Variants in SUGCT observed in about 807,000 individuals in gnomAD.
The protein encoded by SUGCT is succinyl-CoA:glutarate-CoA transferase, also known as succinyl-CoA:glutarate CoA-transferase.
Under a neutral mutation model 55.0 loss-of-function variants are expected in SUGCT, and 41 were observed. The ratio of observed to expected loss-of-function variants is 0.74; its 90% confidence interval spans 0.58 to 0.97. The LOEUF (loss-of-function observed/expected upper bound fraction) is 0.97. Ranked by LOEUF, SUGCT falls within the 50% of genes least tolerant of loss-of-function variation. The pLI, the probability that SUGCT is intolerant of heterozygous loss-of-function variation, is 0.00. For missense variants in SUGCT, 568 were observed against 547.8 expected, an observed-to-expected ratio of 1.04 and a Z score of -0.37; for synonymous variants, 187 against 200.4, an observed-to-expected ratio of 0.93 and a Z score of 0.56.
intron 12 of SUGCT, among the ~76,000 whole-genome samples, chr7:40,599,438 T>C (rs377697355): frequency 6.6e-6 from 1 of 152,178 alleles, no homozygotes; most frequent in Non-Finnish European, 1.5e-5. Context: ...CATATTAACT[T>C]CAGCACCAAA....
intron 12 of SUGCT, among the ~76,000 whole-genome samples, chr7:40,601,126 TATGTGCAGGACCCTTTGAATGGCCAG>T (rs1048084102): frequency 3.9e-5 from 6 of 152,230 alleles, no homozygotes; most frequent in African/African-American, 1.4e-4. Context: ...TTAGTTTATC[TATGTGCAGGACCCTTTGAATGGCCAG>T]ATGTATTAGT....
chr7:41,016,102 G>T, the SUGCT span, among the ~76,000 whole-genome samples: 2 of 152,192 alleles, frequency 1.3e-5, no homozygotes, highest in East Asian at 1.9e-4. Flanking sequence ...CCATCAGAAA[G>T]GTGTACCTTG....
chr7:40,876,336 C>A, the SUGCT span, among the ~76,000 whole-genome samples: 814 of 152,190 alleles, frequency 5.3e-3, 6 homozygotes, highest in African/African-American at 0.019. Context: ...CCATGCATGC[C>A]AGAGCTTTCA....
chr7:40,484,471 T>C lies in SUGCT; in HGVS notation c.987-11813T>C, dbSNP rs144676616. 6.6e-4 allele frequency among the ~76,000 whole-genome samples: 100 copies of C among 152,300 alleles called. 2 individuals carry two copies. In the East Asian group the frequency reaches 0.017, roughly 27 times the overall value. ...GCCTTGGGGGCGGACAGTAGCTCAA[T>C]TGCCAGTGGCCTAAGGGTGGTCCTA... On this transcript the variant is annotated intron_variant, in intron 11 of 13. Coordinates refer to ENST00000335693, the MANE Select transcript of SUGCT (RefSeq NM_001193313.2).
chr7:40,385,864 A>T (rs1342050056), intron 9 of SUGCT, among the ~76,000 whole-genome samples: 1 of 152,238 alleles, frequency 6.6e-6, no homozygotes, highest in African/African-American at 2.4e-5. Context: ...GTGTCACTTT[A>T]TATAGCATTG....
intron 8 of SUGCT, among the ~76,000 whole-genome samples, chr7:40,292,054 G>C (rs1379892803): frequency 6.6e-6 from 1 of 152,152 alleles, no homozygotes; most frequent in Non-Finnish European, 1.5e-5. Flanking sequence ...AAGTTTAGGG[G>C]CAATTTGTTA....
chr7:40,891,559 C>T, the SUGCT span, among the ~76,000 whole-genome samples: 2 of 152,092 alleles, frequency 1.3e-5, no homozygotes, highest in Admixed American at 6.5e-5. Flanking sequence ...GAATATTATA[C>T]CCAGCAAAGC....
rs566338661 is a variant in SUGCT at position 40,218,264 on chromosome 7, C to T, written c.485-19371C>T. Reference sequence around the variant, plus strand: ...ATAAAGGGAGTGAAAGCAAGAGGTGCTCTTCAAAATTATTATTTGCTCATT... The same window carrying T: ...ATAAAGGGAGTGAAAGCAAGAGGTGTTCTTCAAAATTATTATTTGCTCATT... On this transcript the variant is annotated intron_variant, in intron 6 of 13. Transcript: ENST00000335693. Among the ~76,000 whole-genome samples, 11 of 152,220 alleles carry T rather than the reference C, an allele frequency of 7.2e-5. No homozygotes were observed. The East Asian group carries it at 1.9e-3, about 27-fold the overall frequency.
At chr7:40,913,008 A>ATTTT in the SUGCT span, among the ~76,000 whole-genome samples, 142 of 121,574 alleles carry the variant, frequency 1.2e-3, 1 homozygote, top group African/African-American at 3.1e-3. Context: ...GCTGGATCCA[A>ATTTT]TTTTTTTTTT....
chr7:40,527,404 C>T (rs572566433), intron 12 of SUGCT, among the ~76,000 whole-genome samples: 12 of 152,286 alleles, frequency 7.9e-5, no homozygotes, highest in African/African-American at 2.9e-4. Context: ...GATTCTTTTT[C>T]CTTCACTTTT....
At chr7:40,262,479 G>A (rs991575464) in intron 7 of SUGCT, among the ~76,000 whole-genome samples, 50 of 121,684 alleles carry the variant, frequency 4.1e-4, no homozygotes, top group African/African-American at 1.3e-3. Context: ...TGAAACCCCC[G>A]TCTCTACCGA....
intron 9 of SUGCT, among the ~76,000 whole-genome samples, chr7:40,334,493 T>C (rs910968322): frequency 2.0e-5 from 3 of 152,254 alleles, no homozygotes; most frequent in Non-Finnish European, 4.4e-5. Flanking sequence ...TGCATTTCTC[T>C]GATGGCCAGT....
In SUGCT at chr7:40,466,448, C is replaced by T. The variant is rs377292113; in HGVS notation, c.986+7250C>T. ...CAAGTTTTAGGAGCTTTTCTGGCCT[C>T]GCTAGTCTGTTCCAAGGGGCCCCTC... On this transcript the variant is annotated intron_variant, in intron 11 of 13. Transcript: ENST00000335693. Among the ~76,000 whole-genome samples the T allele has an allele frequency of 1.1e-3, 175 of 152,288 alleles. 2 individuals carry two copies. Among genetic ancestry groups the T allele is most frequent in the African/African-American group, 3.9e-3 (162 of 41,562 alleles).
chr7:40,380,058 G>A (rs1391839906), intron 9 of SUGCT, among the ~76,000 whole-genome samples: 2 of 152,298 alleles, frequency 1.3e-5, no homozygotes, highest in African/African-American at 2.4e-5. Flanking sequence ...AGAACCCTGA[G>A]GCAGGTCAAA....
chr7:40,727,551 C>A (rs1184829697), intron 12 of SUGCT, among the ~76,000 whole-genome samples: 1 of 152,134 alleles, frequency 6.6e-6, no homozygotes, highest in Non-Finnish European at 1.5e-5. Context: ...TGTCTGATAT[C>A]TGTGCTGAAG....
chr7:40,924,352 C>G, the SUGCT span, among the ~76,000 whole-genome samples: 1 of 151,648 alleles, frequency 6.6e-6, no homozygotes, highest in African/African-American at 2.4e-5. Flanking sequence ...GTGATCCCCC[C>G]ACCTCAGCTT....
chr7:40,143,727 T>G (rs1260239249), intron 1 of SUGCT, among the ~76,000 whole-genome samples: 1 of 152,200 alleles, frequency 6.6e-6, no homozygotes, highest in Non-Finnish European at 1.5e-5. Context: ...GTGGCAATTG[T>G]TCAGTTGTGA....
the SUGCT span, among the ~76,000 whole-genome samples, chr7:40,905,587 G>T: frequency 0.48 from 73,064 of 151,748 alleles, 18,034 homozygotes; most frequent in South Asian, 0.63. Context: ...GCCAAATATC[G>T]GTCTCTCTCA....
At chr7:40,205,547 G>A (rs1371725776) in intron 6 of SUGCT, among the ~76,000 whole-genome samples, 3 of 148,062 alleles carry the variant, frequency 2.0e-5, no homozygotes, top group African/African-American at 7.5e-5. Flanking sequence ...AGGCTGAGGC[G>A]GGAGAATCAC....
Sources: gnomAD v4.1 joint callset for allele counts (sites outside exome capture counted in the v4.1 genomes callset) on GRCh38, gnomAD v4.1.1 for gene constraint, MANE v1.5 for transcripts, NCBI Gene and HGNC (gene_info 2026-07-23, HGNC 2026-07-21) for gene names.